Variants in CBX5 observed in about 807,000 individuals in gnomAD.
CBX5 encodes the protein chromobox 5, also known as chromobox protein homolog 5.
CBX5 carries 7 observed loss-of-function variants against 20.7 expected under a neutral mutation model. That is an observed-to-expected ratio of 0.34 (90% CI 0.19 to 0.63). CBX5 has a LOEUF of 0.63. CBX5 is among the 30% of genes least tolerant of loss of function. The probability of loss-of-function intolerance (pLI) is 0.75; values close to 1 mark genes in which losing one functional copy is unlikely to be tolerated. For synonymous variants in CBX5, 78 were observed against 77.0 expected (o/e 1.01, Z -0.07); for missense variants, 110 against 224.1 (o/e 0.49, Z 3.25).
At chr12:54,248,386 G>A (rs907372804) in intron 3 of CBX5, among the ~76,000 whole-genome samples, 2 of 152,168 alleles carry the variant, frequency 1.3e-5, no homozygotes, top group Non-Finnish European at 2.9e-5. Context: ...ATGCCCAAAT[G>A]AACTAAATCT....
At chr12:54,258,974 T>G (rs903963023) in intron 1 of CBX5, among the ~76,000 whole-genome samples, 4 of 151,434 alleles carry the variant, frequency 2.6e-5, no homozygotes, top group Admixed American at 6.6e-5. Flanking sequence ...GAATATATAG[T>G]TGGAGACCAT....
At chr12:54,264,824 CAA>C (rs1943943216) in intron 1 of CBX5, among the ~76,000 whole-genome samples, 1 of 149,508 alleles carries the variant, frequency 6.7e-6, no homozygotes, top group African/African-American at 2.5e-5. Context: ...GCCTGGGAGA[CAA>C]GAGTGAAACT....
intron 1 of CBX5, among the ~76,000 whole-genome samples, chr12:54,277,452 G>T (rs1239604576): frequency 1.3e-5 from 2 of 151,868 alleles, no homozygotes; most frequent in African/African-American, 4.8e-5. Context: ...TGATCCACCC[G>T]CCTCGGCCTC....
In CBX5 at chr12:54,231,095, G is replaced by GGTGAACATATA. The variant is rs1488110417; in HGVS notation, c.*10649_*10659dup. 1 of 151,956 alleles carries GGTGAACATATA rather than the reference G, an allele frequency of 6.6e-6. No homozygotes were observed. Among genetic ancestry groups the GGTGAACATATA allele is most frequent in the East Asian group, 1.9e-4 (1 of 5,198 alleles). The allele number at this position is 151,956 out of a possible 1,614,324, so 9.4% of individuals were successfully genotyped here. ...ACTTTTTAAACATTTACATTTAAAA[G>GGTGAACATATA]GTGAACATATATATAGACCACTTAT... On this transcript the variant is annotated 3_prime_UTR_variant, in exon 5 of 5. Coordinates refer to ENST00000209875, the MANE Select transcript of CBX5 (RefSeq NM_012117.3).
intron 3 of CBX5, among the ~76,000 whole-genome samples, chr12:54,249,475 G>A (rs1943771548): frequency 6.6e-6 from 1 of 150,440 alleles, no homozygotes; most frequent in South Asian, 2.1e-4. Flanking sequence ...ATAATGTGTA[G>A]CATTGAGAAC....
intron 3 of CBX5, among the ~76,000 whole-genome samples, chr12:54,247,413 T>C (rs1324109801): frequency 1.3e-5 from 2 of 152,112 alleles, no homozygotes; most frequent in African/African-American, 4.8e-5. Context: ...TGAAGTGTGC[T>C]ACTCCGACTC....
chr12:54,274,112 T>G lies in CBX5; in HGVS notation c.-43+5896A>C, dbSNP rs151193794. 37 of 152,368 alleles carry G rather than the reference T, an allele frequency of 2.4e-4. No homozygotes were observed. In the East Asian group the frequency reaches 6.7e-3, roughly 28 times the overall value. 9.4% of individuals were successfully genotyped at this position (152,368 alleles called of 1,614,324 possible). On this transcript the variant is annotated intron_variant, in intron 1 of 4. Transcript: ENST00000209875. ...CTAACAAGAACAGTGTAGGTTTTTC[T>G]GCAAACATGCTAGTTGGTAGAGCTC...
chr12:54,252,087 T>C lies in CBX5; in HGVS notation c.278A>G (p.Asn93Ser), dbSNP rs529138120. Residue 93 changes from asparagine (N) to serine (S), a missense_variant, in exon 3 of 5, where the codon AAT becomes AGT. Transcript: ENST00000209875. ...EKSESNKRKSNFSNSADDIKS... is the reference protein window; with the variant it reads ...EKSESNKRKSSFSNSADDIKS... ...GATGTCATCGGCACTGTTTGAGAAA[T>C]TGGATTTCCTCTTGTTACTTTCTGA... The C allele has an allele frequency of 3.6e-5, 58 of 1,611,818 alleles. No homozygotes were observed. Among genetic ancestry groups the C allele is most frequent in the Middle Eastern group, 1.7e-4 (1 of 6,052 alleles).
At chr12:54,248,082 T>C (rs1300661443) in intron 3 of CBX5, among the ~76,000 whole-genome samples, 2 of 151,992 alleles carry the variant, frequency 1.3e-5, no homozygotes, top group Admixed American at 6.6e-5. Flanking sequence ...CCTCAGGTGA[T>C]CCACCCTGCC....
intron 1 of CBX5, among the ~76,000 whole-genome samples, chr12:54,265,313 G>C (rs1565873239): frequency 6.6e-6 from 1 of 152,246 alleles, no homozygotes; most frequent in Non-Finnish European, 1.5e-5. Flanking sequence ...TATGGAGCTT[G>C]AAGTACTGAT....
chr12:54,257,925 C>CTGT, intron 1 of CBX5: 1 of 344,878 alleles, frequency 2.9e-6, no homozygotes, highest in Non-Finnish European at 5.3e-6. Flanking sequence ...GAAGGCACAA[C>CTGT]TGTTTAACTC....
intron 1 of CBX5, chr12:54,274,126 T>G (rs1944037090): frequency 6.6e-6 from 1 of 152,214 alleles, no homozygotes; most frequent in African/African-American, 2.4e-5. Context: ...AACATGCTAG[T>G]TGGTAGAGCT....
At chr12:54,248,384 A>C (rs1201891995) in intron 3 of CBX5, among the ~76,000 whole-genome samples, 2 of 152,248 alleles carry the variant, frequency 1.3e-5, no homozygotes, top group Non-Finnish European at 2.9e-5. Flanking sequence ...AGATGCCCAA[A>C]TGAACTAAAT....
At position 54,241,725 on chromosome 12, in the gene CBX5, A is replaced by G. The variant is rs373958772; in HGVS notation, c.*30T>C. On this transcript the variant is annotated 3_prime_UTR_variant, in exon 5 of 5. Coordinates refer to ENST00000209875, the MANE Select transcript of CBX5 (RefSeq NM_012117.3). ...GCAGGGAGGTGAATGTATTATGTAC[A>G]AAGAGAAATGACAGAGACCATCCCC... 4 of 1,599,718 alleles carry G rather than the reference A, an allele frequency of 2.5e-6. No homozygotes were observed. The highest frequency in any genetic ancestry group is 1.4e-5 in the African/African-American group (1 of 73,928).
chr12:54,247,457 G>A (rs981621654), intron 3 of CBX5, among the ~76,000 whole-genome samples: 3 of 152,154 alleles, frequency 2.0e-5, no homozygotes, highest in Admixed American at 6.6e-5. Context: ...CTTGGGCCCA[G>A]GAGTTCAAGC....
intron 2 of CBX5, among the ~76,000 whole-genome samples, chr12:54,254,814 T>C (rs1256216559): frequency 6.6e-6 from 1 of 151,966 alleles, no homozygotes; most frequent in Non-Finnish European, 1.5e-5. Context: ...GATCACGCCA[T>C]TGCACACCAG....
intron 1 of CBX5, among the ~76,000 whole-genome samples, chr12:54,266,812 CCACT>C (rs1443814346): frequency 1.3e-5 from 2 of 151,938 alleles, no homozygotes; most frequent in Non-Finnish European, 2.9e-5. Flanking sequence ...TTATTAAAAT[CCACT>C]CAATTTCTTC....
At position 54,235,339 on chromosome 12, in the gene CBX5, C is replaced by G. The variant is rs931382436; in HGVS notation, c.*6416G>C. On this transcript the variant is annotated 3_prime_UTR_variant, in exon 5 of 5. Transcript: ENST00000209875. ...CTGCTTAGAAATCACCCTCTCGGCC[C>G]GGCGGTGGCTCACGCCTGTAATCCC... 1.3e-5 allele frequency: 2 copies of G among 151,896 alleles called. No individual in the cohort carries two copies. Among genetic ancestry groups the G allele is most frequent in the Non-Finnish European group, 2.9e-5 (2 of 68,000 alleles). 9.4% of individuals were successfully genotyped at this position (151,896 alleles called of 1,614,324 possible). A position where few individuals can be genotyped will look rare whatever the true frequency, so the allele number is the denominator to read the frequency against.
intron 3 of CBX5, 33 bp from the exon 4 acceptor site, chr12:54,246,248 T>C (rs762340679): frequency 4.6e-5 from 70 of 1,510,354 alleles, no homozygotes; most frequent in Non-Finnish European, 6.2e-5. Context: ...GGTTACAGCT[T>C]GTGGAAAGAG....
Sources: allele counts gnomAD v4.1 joint callset (sites outside exome capture counted in the v4.1 genomes callset), GRCh38; gene constraint gnomAD v4.1.1; transcripts MANE v1.5; gene names NCBI Gene and HGNC (gene_info 2026-07-23, HGNC 2026-07-21).